The following GPC6 variants were observed in gnomAD, a reference collection of about 807,000 sequenced individuals.
The protein encoded by GPC6 is glypican 6.
A neutral mutation model predicts 55.2 loss-of-function variants in GPC6; 14 were observed. The observed-to-expected ratio is 0.25, with a 90% CI of 0.17 to 0.40. GPC6 has a LOEUF of 0.40. Among genes scored for constraint, GPC6 ranks in the 10% least tolerant of loss-of-function variants. The pLI is 1.00. For missense variants in GPC6, 641 were observed against 708.5 expected (o/e 0.90, Z 1.08); for synonymous variants, 278 against 259.6 (o/e 1.07, Z -0.68).
chr13:93,339,887 G>A (rs1193173516), intron 1 of GPC6, among the ~76,000 whole-genome samples: 2 of 152,094 alleles, frequency 1.3e-5, no homozygotes, highest in Non-Finnish European at 2.9e-5. Context: ...ATGGATAAAT[G>A]AGTCATCGTA....
chr13:93,290,163 T>C (rs1025781639), intron 1 of GPC6, among the ~76,000 whole-genome samples: 1 of 152,152 alleles, frequency 6.6e-6, no homozygotes, highest in Admixed American at 6.5e-5. Flanking sequence ...GGTGCAAATT[T>C]GTCAGGTCAT....
At chr13:93,939,661 G>C (rs988240590) in intron 3 of GPC6, among the ~76,000 whole-genome samples, 1 of 151,948 alleles carries the variant, frequency 6.6e-6, no homozygotes, top group African/African-American at 2.4e-5. Flanking sequence ...TGTTGCCCAG[G>C]CTGGTCTTGA....
chr13:93,223,538 A>G (rs1347011904), upstream of GPC6, among the ~76,000 whole-genome samples: 1 of 151,596 alleles, frequency 6.6e-6, no homozygotes, highest in Non-Finnish European at 1.5e-5. Flanking sequence ...CCACCTCCAG[A>G]GTTCAAAGGA....
intron 3 of GPC6, among the ~76,000 whole-genome samples, chr13:93,869,720 A>G (rs1450828059): frequency 6.6e-6 from 1 of 151,770 alleles, no homozygotes; most frequent in Admixed American, 6.6e-5. Flanking sequence ...GTGAACCAAT[A>G]ATTTTCCTAG....
chr13:93,908,510 G>A (rs987970414), intron 3 of GPC6, among the ~76,000 whole-genome samples: 2 of 152,180 alleles, frequency 1.3e-5, no homozygotes, highest in African/African-American at 4.8e-5. Flanking sequence ...TTCCCTTTGT[G>A]TTTGTAGCAT....
chr13:94,108,322 A>G (rs1259433568), intron 4 of GPC6, among the ~76,000 whole-genome samples: 1 of 152,138 alleles, frequency 6.6e-6, no homozygotes, highest in Non-Finnish European at 1.5e-5. Context: ...CTCACTCATA[A>G]ATAGGAGCCA....
At chr13:94,399,756 A>T (rs1196356706) in intron 8 of GPC6, among the ~76,000 whole-genome samples, 1 of 152,188 alleles carries the variant, frequency 6.6e-6, no homozygotes, top group African/African-American at 2.4e-5. Flanking sequence ...TTACCAACCC[A>T]ATGGACGTTA....
intron 2 of GPC6, among the ~76,000 whole-genome samples, chr13:93,664,046 A>G (rs896566845): frequency 6.6e-6 from 1 of 152,204 alleles, no homozygotes; most frequent in Non-Finnish European, 1.5e-5. Flanking sequence ...AATAATACTG[A>G]CAGTGTTATT....
intron 6 of GPC6, among the ~76,000 whole-genome samples, chr13:94,352,511 C>T (rs9516401): frequency 0.047 from 7,147 of 152,226 alleles, 244 homozygotes; most frequent in East Asian, 0.074. Context: ...ATTCTCGGGG[C>T]TTCCTCACTG....
At chr13:94,096,986 A>G (rs555832696) in intron 4 of GPC6, among the ~76,000 whole-genome samples, 1 of 115,488 alleles carries the variant, frequency 8.7e-6, no homozygotes, top group African/African-American at 3.0e-5. Flanking sequence ...GATTCATTTG[A>G]TAAATATGTT....
At chr13:93,418,909 T>C (rs935133383) in intron 1 of GPC6, among the ~76,000 whole-genome samples, 1 of 151,258 alleles carries the variant, frequency 6.6e-6, no homozygotes, top group Non-Finnish European at 1.5e-5. Flanking sequence ...GATACCATAG[T>C]ATTATTTTAT....
At chr13:93,497,165 T>G (rs928829514) in intron 1 of GPC6, among the ~76,000 whole-genome samples, 1 of 152,358 alleles carries the variant, frequency 6.6e-6, no homozygotes, top group East Asian at 1.9e-4. Flanking sequence ...ATTTTTTTCC[T>G]CAGGTTTCAT....
chr13:93,657,517 A>T (rs1012764617), intron 2 of GPC6, among the ~76,000 whole-genome samples: 1 of 152,126 alleles, frequency 6.6e-6, no homozygotes, highest in Admixed American at 6.5e-5. Context: ...AACCTAGAAA[A>T]CATCATTCTG....
chr13:94,348,212 T>C (rs769347281), intron 6 of GPC6, among the ~76,000 whole-genome samples: 2 of 152,244 alleles, frequency 1.3e-5, no homozygotes, highest in Admixed American at 1.3e-4. Flanking sequence ...CAATATCCTC[T>C]TATGGAACAT....
chr13:93,332,841 CT>C (rs1177173402), intron 1 of GPC6, among the ~76,000 whole-genome samples: 5 of 152,104 alleles, frequency 3.3e-5, no homozygotes. Flanking sequence ...AGGCCTTACA[CT>C]GAAGTATTTA....
intron 3 of GPC6, among the ~76,000 whole-genome samples, chr13:93,995,301 G>A (rs1012975358): frequency 1.3e-5 from 2 of 151,496 alleles, no homozygotes; most frequent in Admixed American, 1.3e-4. Context: ...AATTCTCCTG[G>A]CACAGCCTCC....
At chr13:93,995,078 A>G (rs1881475436) in intron 3 of GPC6, among the ~76,000 whole-genome samples, 1 of 152,206 alleles carries the variant, frequency 6.6e-6, no homozygotes, top group African/African-American at 2.4e-5. Context: ...AAGTATTGCC[A>G]TGATACACAA....
chr13:94,034,247 A>AGGAAGGAAGGAAGGTG (rs141372123), intron 4 of GPC6, among the ~76,000 whole-genome samples: 3 of 146,932 alleles, frequency 2.0e-5, no homozygotes, highest in African/African-American at 7.4e-5. Context: ...GAAGGAAGGA[A>AGGAAGGAAGGAAGGTG]GGAAAGAAAG....
intron 6 of GPC6, among the ~76,000 whole-genome samples, chr13:94,364,654 G>A (rs1018392082): frequency 1.3e-5 from 2 of 152,136 alleles, no homozygotes; most frequent in Admixed American, 6.6e-5. Context: ...TCCACTGGGT[G>A]GTTAATTGAA....
Sources: allele counts gnomAD v4.1 joint callset (sites outside exome capture counted in the v4.1 genomes callset), GRCh38; gene constraint gnomAD v4.1.1; transcripts MANE v1.5; gene names NCBI Gene and HGNC (gene_info 2026-07-23, HGNC 2026-07-21).